Variants in CAP1 observed in about 807,000 individuals in gnomAD.
The protein encoded by CAP1 is cyclase associated actin cytoskeleton regulatory protein 1, also known as adenylyl cyclase-associated protein 1.
CAP1 carries 11 observed loss-of-function variants against 58.2 expected under a neutral mutation model. The ratio of observed to expected loss-of-function variants is 0.19; its 90% CI spans 0.12 to 0.31. CAP1 has a LOEUF of 0.31. Ranked by LOEUF, CAP1 falls within the 10% of genes least tolerant of loss-of-function variation. The pLI is 1.00. For synonymous variants in CAP1, 183 were observed against 213.8 expected (o/e 0.86, Z 1.26); for missense variants, 423 against 587.5 (o/e 0.72, Z 2.89).
At chr1:40,043,867 T>A (rs549936880) in intron 1 of CAP1, among the ~76,000 whole-genome samples, 30 of 130,970 alleles carry the variant, frequency 2.3e-4, no homozygotes, top group African/African-American at 7.8e-4. Context: ...ATAGTGAGAC[T>A]CTGTCTCAAA....
chr1:40,052,205 C>T (rs1646405668), intron 1 of CAP1, among the ~76,000 whole-genome samples: 1 of 152,168 alleles, frequency 6.6e-6, no homozygotes, highest in African/African-American at 2.4e-5. Flanking sequence ...CATTTTAAGG[C>T]TTCTGAAGTG....
chr1:40,054,415 A>G (rs34288706), intron 1 of CAP1, among the ~76,000 whole-genome samples: 21,527 of 151,936 alleles, frequency 0.14, 1,824 homozygotes, highest in African/African-American at 0.24. Context: ...AGCTCAGGCA[A>G]TCCACCCGTC....
intron 1 of CAP1, among the ~76,000 whole-genome samples, chr1:40,056,643 A>G (rs1208442962): frequency 6.6e-6 from 1 of 152,084 alleles, no homozygotes; most frequent in Non-Finnish European, 1.5e-5. Context: ...CTAGATGGAT[A>G]TGCTGCTCTG....
rs1326812544 is a variant in CAP1 at position 40,066,282 on chromosome 1, A to G, written c.592A>G (p.Lys198Glu). The G allele has an allele frequency of 6.2e-7, 1 of 1,611,310 alleles. No individual in the cohort carries two copies. Among genetic ancestry groups the G allele is most frequent in the Admixed American group, 1.7e-5 (1 of 59,994 alleles). The change falls in exon 7 of 13, where the codon AAG (lysine) becomes GAG (glutamate). Residue 198 changes from lysine (K) to glutamate (E), a missense_variant. Lys to Glu is a moderately conservative substitution (Grantham distance 56, BLOSUM62 1). Transcript: ENST00000372805. ...SIWTELQAYI[K>E]EFHTTGLAWS... ...ATGGACAGAGCTGCAGGCTTACATT[A>G]AGGAGTTCCATACCACCGGACTGGC...
chr1:40,068,703 G>T (rs144254486), intron 8 of CAP1, among the ~76,000 whole-genome samples: 55 of 152,218 alleles, frequency 3.6e-4, no homozygotes, highest in African/African-American at 1.3e-3. Context: ...AGGCCATTCA[G>T]TATTTGTTAT....
At chr1:40,059,917 T>C (rs1353744917) in intron 2 of CAP1, 150 bp from the exon 3 acceptor site, 3 of 553,682 alleles carry the variant, frequency 5.4e-6, no homozygotes, top group Admixed American at 7.1e-5. Context: ...CAGTTAGTGG[T>C]GATACTGGAC....
chr1:40,060,797 G>A (rs1321461291), intron 3 of CAP1, among the ~76,000 whole-genome samples: 6 of 151,098 alleles, frequency 4.0e-5, no homozygotes, highest in South Asian at 2.1e-4. Context: ...AACCTTTCTC[G>A]AAGACTGGTT....
chr1:40,062,481 G>A (rs780114212), intron 4 of CAP1, among the ~76,000 whole-genome samples: 3 of 152,158 alleles, frequency 2.0e-5, no homozygotes, highest in Non-Finnish European at 4.4e-5. Context: ...TAAGTGTGCT[G>A]GCTCATTCCT....
rs1294358797 is a variant in CAP1, at chr1:40,067,358, C to A, written c.631-182C>A. On this transcript the variant is annotated intron_variant, in intron 7 of 12. Coordinates refer to ENST00000372805, the MANE Select transcript of CAP1 (RefSeq NM_006367.4). ...GATGGTCAAGAAATAGAACTGAGAG[C>A]TGGATCCTTGGGAAAGGGTGAGAAG... 13 of 497,194 alleles carry A rather than the reference C, an allele frequency of 2.6e-5. No individual in the cohort carries two copies. In the Admixed American group the frequency reaches 2.9e-4, roughly 11 times the overall value. The allele number at this position is 497,194 out of a possible 1,614,324, so 30.8% of individuals were successfully genotyped here.
At chr1:40,070,054 C>G (rs1647563766) in intron 9 of CAP1, 105 bp from the exon 10 acceptor site, 1 of 1,517,396 alleles carries the variant, frequency 6.6e-7, no homozygotes, top group Admixed American at 1.8e-5. Context: ...TAGATGAGGG[C>G]AGAGTTCTGG....
intron 1 of CAP1, among the ~76,000 whole-genome samples, chr1:40,058,873 C>G (rs1400592983): frequency 2.0e-5 from 3 of 152,284 alleles, no homozygotes; most frequent in East Asian, 3.9e-4. Context: ...ACTGGCTTCT[C>G]TATTCACTGG....
intron 4 of CAP1, among the ~76,000 whole-genome samples, chr1:40,063,983 G>T (rs1406568988): frequency 6.6e-6 from 1 of 152,222 alleles, no homozygotes; most frequent in African/African-American, 2.4e-5. Context: ...TGGAGGTTCT[G>T]TGGTATAGCT....
At chr1:40,041,776 T>C (rs1421035263) in intron 1 of CAP1, among the ~76,000 whole-genome samples, 1 of 152,234 alleles carries the variant, frequency 6.6e-6, no homozygotes, top group East Asian at 1.9e-4. Flanking sequence ...GAAGTAATTA[T>C]AAATGTTGAT....
At chr1:40,060,877 G>A (rs946532669) in intron 3 of CAP1, among the ~76,000 whole-genome samples, 6 of 152,186 alleles carry the variant, frequency 3.9e-5, no homozygotes, top group Non-Finnish European at 8.8e-5. Context: ...TAGCTCTAGA[G>A]AGTGGGACTG....
chr1:40,063,349 T>C (rs2124381963), intron 4 of CAP1, among the ~76,000 whole-genome samples: 1 of 152,266 alleles, frequency 6.6e-6, no homozygotes, highest in East Asian at 1.9e-4. Flanking sequence ...AGCTGATTTT[T>C]GTATTTTTAT....
At chr1:40,043,383 A>G (rs888295642) in intron 1 of CAP1, among the ~76,000 whole-genome samples, 1 of 151,800 alleles carries the variant, frequency 6.6e-6, no homozygotes, top group African/African-American at 2.4e-5. Context: ...TTTTTAGTAG[A>G]GACGGGATTT....
Position 40,061,628 on chromosome 1 carries a change from T to C in CAP1, c.217-107T>C. On this transcript the variant is annotated intron_variant, in intron 3 of 12. Coordinates refer to ENST00000372805, the MANE Select transcript of CAP1 (RefSeq NM_006367.4). ...AATACATGAGGAGGATAACATGAAG[T>C]GCCTGGGTTGCTATCAGAGTACATG... 3 of 860,564 alleles carry C rather than the reference T, an allele frequency of 3.5e-6. No individual in the cohort carries two copies. The South Asian group carries it at 4.0e-5, about 11-fold the overall frequency. 53.3% of individuals were successfully genotyped at this position (860,564 alleles called of 1,614,324 possible).
chr1:40,065,517 C>A (rs1647031274), intron 6 of CAP1, among the ~76,000 whole-genome samples: 1 of 152,210 alleles, frequency 6.6e-6, no homozygotes, highest in Non-Finnish European at 1.5e-5. Flanking sequence ...CTTCCTTATC[C>A]TTCTAGCAAC....
At chr1:40,064,038 G>A (rs1223925152) in intron 4 of CAP1, among the ~76,000 whole-genome samples, 189 bp from the exon 5 acceptor site, 3 of 152,186 alleles carry the variant, frequency 2.0e-5, no homozygotes, top group Admixed American at 1.3e-4. Flanking sequence ...TGCAGCCTGA[G>A]GAGTTGGAAC....
Sources: gnomAD v4.1 joint callset for allele counts (sites outside exome capture counted in the v4.1 genomes callset) on GRCh38, gnomAD v4.1.1 for gene constraint, MANE v1.5 for transcripts, NCBI Gene and HGNC (gene_info 2026-07-23, HGNC 2026-07-21) for gene names.